The following ABCB5 variants were observed in gnomAD, a reference collection of about 807,000 sequenced individuals.
ABCB5 encodes ATP binding cassette subfamily B member 5.
A neutral mutation model predicts 144.2 loss-of-function variants in ABCB5; 155 were observed. That is an observed-to-expected ratio of 1.08 (90% confidence interval 0.94 to 1.23). The LOEUF (loss-of-function observed/expected upper bound fraction) is 1.23, where lower values mean the gene tolerates loss of function less well. Among genes scored for constraint, ABCB5 ranks in the 50% most tolerant of loss-of-function variants. The pLI is 0.00. For synonymous variants in ABCB5, 610 were observed against 528.6 expected (o/e 1.15, Z -2.11); for missense variants, 1,830 against 1,520.8 (o/e 1.20, Z -3.38).
rs1562573870 is a variant in ABCB5, at chr7:20,711,857, CTTT to C, written c.2421+7051_2421+7053del. Among the ~76,000 whole-genome samples the C allele has an allele frequency of 1.4e-3, 100 of 70,488 alleles. 10 individuals are homozygous for C. The highest frequency in any genetic ancestry group is 5.6e-3 in the African/African-American group (94 of 16,694). The allele number at this position is 70,488 out of a possible 152,430, so 46.2% of individuals were successfully genotyped here. On this transcript the variant is annotated intron_variant, in intron 20 of 27. Transcript: ENST00000404938. ...CTTTCTTTCTTTCTTTTCTTTCTTT[CTTT>C]CCTTCCTCCCTCCCTCCCTCCCTCC...
At chr7:20,687,384 GA>G (rs1316030986) in intron 16 of ABCB5, among the ~76,000 whole-genome samples, 1 of 152,196 alleles carries the variant, frequency 6.6e-6, no homozygotes, top group Non-Finnish European at 1.5e-5. Flanking sequence ...TCCACACATG[GA>G]AACTGATAAA....
chr7:20,695,466 T>A (rs910230989), intron 16 of ABCB5, among the ~76,000 whole-genome samples: 1 of 151,658 alleles, frequency 6.6e-6, no homozygotes, highest in Non-Finnish European at 1.5e-5. Flanking sequence ...AAAACTTCTA[T>A]AAGAAAATGC....
Position 20,700,073 on chromosome 7 carries a change from A to G in ABCB5, c.2275A>G (p.Arg759Gly). Reference protein sequence around the residue: ...SYFMQGLFYGRAGEILTMRLR... With the variant: ...SYFMQGLFYGGAGEILTMRLR... ...TGCTTTTCAGGGATTATTTTACGGC[A>G]GAGCAGGGGAAATTTTAACGATGAG... is the stretch of plus-strand genomic sequence containing the variant. The change falls in exon 19 of 28, where the codon AGA becomes GGA. Residue 759 changes from arginine (R) to glycine (G), a missense_variant. Physicochemically the swap from Arg to Gly is moderately radical, Grantham distance 125. Coordinates refer to ENST00000404938, the MANE Select transcript of ABCB5 (RefSeq NM_001163941.2). 11 of 1,613,836 alleles carry G rather than the reference A, an allele frequency of 6.8e-6. No individual in the cohort carries two copies. Among genetic ancestry groups the G allele is most frequent in the Non-Finnish European group, 8.5e-6 (10 of 1,179,858 alleles).
chr7:20,739,720 T>A (rs1347414922), intron 24 of ABCB5, among the ~76,000 whole-genome samples: 1 of 152,218 alleles, frequency 6.6e-6, no homozygotes, highest in African/African-American at 2.4e-5. Flanking sequence ...TTTATTTGTT[T>A]TTTTTTCTCT....
chr7:20,647,708 AC>A lies in ABCB5; in HGVS notation c.1095+61del, dbSNP rs543874614. On this transcript the variant is annotated intron_variant, in intron 10 of 27. Transcript: ENST00000404938. ...ATTACTGCAAGAAGGAGACAAAAAA[AC>A]ATACACCCTCATTTTCACTAAAACA... The A allele has an allele frequency of 8.5e-5, 130 of 1,530,228 alleles. 1 individual carries two copies. The African/African-American group carries it at 1.2e-3, about 14-fold the overall frequency. The allele number at this position is 1,530,228 out of a possible 1,614,324, so 94.8% of individuals were successfully genotyped here.
chr7:20,743,522 G>T (rs1430498747), intron 25 of ABCB5, among the ~76,000 whole-genome samples: 3 of 152,064 alleles, frequency 2.0e-5, no homozygotes, highest in Non-Finnish European at 4.4e-5. Flanking sequence ...ATTGGAATCA[G>T]CTCCATGAAG....
chr7:20,676,658 C>G (rs1378705246), intron 14 of ABCB5, among the ~76,000 whole-genome samples: 1 of 152,124 alleles, frequency 6.6e-6, no homozygotes. Context: ...CGAATAAGTT[C>G]TAGACATTAA....
At chr7:20,690,149 A>C (rs1408390397) in intron 16 of ABCB5, among the ~76,000 whole-genome samples, 1 of 152,196 alleles carries the variant, frequency 6.6e-6, no homozygotes, top group Admixed American at 6.5e-5. Context: ...TTTTCCCCCC[A>C]TTAACCCTTG....
intron 23 of ABCB5, among the ~76,000 whole-genome samples, chr7:20,729,974 T>G (rs1399140955): frequency 1.3e-5 from 2 of 152,258 alleles, no homozygotes; most frequent in East Asian, 3.8e-4. Context: ...CATTTAAACC[T>G]AAGTAATTTC....
Position 20,717,185 on chromosome 7 carries a change from TG to T in ABCB5, c.2422-5825del, listed in dbSNP as rs66505165. 6.8e-3 allele frequency among the ~76,000 whole-genome samples: 1,036 copies of T among 151,964 alleles called. 10 individuals carry two copies. The highest frequency in any genetic ancestry group is 0.031 in the Middle Eastern group (9 of 294). On this transcript the variant is annotated intron_variant, in intron 20 of 27. Transcript: ENST00000404938. The stretch of plus-strand genomic sequence containing the variant: ...GTCCATATGACTCTGAAACTTATGG[TG>T]GGGGGTGGGAGGCAGAGGAGCAAGG...
chr7:20,701,162 G>C (rs1583435387), intron 19 of ABCB5, among the ~76,000 whole-genome samples: 1 of 152,178 alleles, frequency 6.6e-6, no homozygotes, highest in Non-Finnish European at 1.5e-5. Flanking sequence ...AAAAACAAAA[G>C]TCTACTTGTA....
At chr7:20,623,405 C>T (rs1219749374) in intron 2 of ABCB5, 67 bp downstream of exon 2, 97 of 1,259,746 alleles carry the variant, frequency 7.7e-5, no homozygotes, top group Non-Finnish European at 3.8e-5. Flanking sequence ...CTTTCCACAC[C>T]TATAGCAAAA....
At chr7:20,666,015 C>G (rs1291476973) in intron 14 of ABCB5, among the ~76,000 whole-genome samples, 1 of 150,998 alleles carries the variant, frequency 6.6e-6, no homozygotes, top group Non-Finnish European at 1.5e-5. Context: ...ATTAAAAATA[C>G]AAAAATTAGC....
intron 2 of ABCB5, among the ~76,000 whole-genome samples, chr7:20,624,377 G>T (rs796392058): frequency 7.9e-5 from 12 of 152,226 alleles, no homozygotes; most frequent in African/African-American, 2.9e-4. Context: ...TCTTTAAAGT[G>T]GTCATGATAA....
intron 23 of ABCB5, 22 bp downstream of exon 23, chr7:20,728,477 G>T (rs1231619669): frequency 1.2e-6 from 2 of 1,611,918 alleles, no homozygotes; most frequent in Non-Finnish European, 1.7e-6. Flanking sequence ...AAATAGTCCG[G>T]ACCTGGTAGC....
At chr7:20,645,930 T>C (rs1378394468) in intron 8 of ABCB5, 31 bp from the exon 9 acceptor site, 1 of 1,612,484 alleles carries the variant, frequency 6.2e-7, no homozygotes, top group Non-Finnish European at 8.5e-7. Context: ...TTTTCCCCAG[T>C]GGCTACTAAG....
At chr7:20,747,459 T>C (rs1477191295) in intron 26 of ABCB5, among the ~76,000 whole-genome samples, 4 of 152,192 alleles carry the variant, frequency 2.6e-5, no homozygotes, top group Non-Finnish European at 4.4e-5. Flanking sequence ...GGTTTCATCA[T>C]GTTGCTTAGG....
chr7:20,748,466 A>T (rs6978285), intron 26 of ABCB5, among the ~76,000 whole-genome samples: 53,400 of 151,568 alleles, frequency 0.35, 9,588 homozygotes, highest in African/African-American at 0.4. Flanking sequence ...CCTGGCCAAC[A>T]TGGTGAAACC....
intron 20 of ABCB5, among the ~76,000 whole-genome samples, chr7:20,711,213 A>G (rs187951550): frequency 6.7e-5 from 10 of 149,554 alleles, no homozygotes; most frequent in South Asian, 4.3e-4. Flanking sequence ...GTAAAGTCCT[A>G]TGTATTTACT....
Sources: allele counts gnomAD v4.1 joint callset (sites outside exome capture counted in the v4.1 genomes callset), GRCh38; gene constraint gnomAD v4.1.1; transcripts MANE v1.5; gene names NCBI Gene and HGNC (gene_info 2026-07-23, HGNC 2026-07-21).